DCDC2: variants seen among roughly 807,000 people sequenced by gnomAD.
DCDC2 encodes the protein doublecortin domain containing 2.
DCDC2 carries 40 observed loss-of-function variants against 50.2 expected under a neutral mutation model. The ratio of observed to expected loss-of-function variants is 0.80; its 90% CI spans 0.62 to 1.04. The LOEUF (loss-of-function observed/expected upper bound fraction) is 1.04. Ranked by LOEUF, DCDC2 falls within the 50% of genes least tolerant of loss-of-function variation. DCDC2 has a pLI of 0.00. For synonymous variants in DCDC2, 234 were observed against 210.6 expected, an observed-to-expected ratio of 1.11 and a Z score of -0.96; for missense variants, 570 against 581.9, an observed-to-expected ratio of 0.98 and a Z score of 0.21.
chr6:24,189,758 A>G (rs1462033909), intron 8 of DCDC2, among the ~76,000 whole-genome samples: 2 of 152,226 alleles, frequency 1.3e-5, no homozygotes, highest in Admixed American at 1.3e-4. Flanking sequence ...CTGGAGATCA[A>G]TAAAAATGAA....
intron 8 of DCDC2, among the ~76,000 whole-genome samples, chr6:24,202,358 A>T (rs1253334866): frequency 6.6e-6 from 1 of 152,240 alleles, no homozygotes; most frequent in Non-Finnish European, 1.5e-5. Flanking sequence ...AATCCATCAC[A>T]TAAACAGAAC....
At chr6:24,346,856 CAGACACA>C (rs1191391774) in intron 2 of DCDC2, among the ~76,000 whole-genome samples, 1 of 151,676 alleles carries the variant, frequency 6.6e-6, no homozygotes, top group Non-Finnish European at 1.5e-5. Context: ...AGGTCTTAAA[CAGACACA>C]AACTGTAAGA....
rs139089320 is a variant in DCDC2 at position 24,346,494 on chromosome 6, G to A, written c.348+7075C>T. On this transcript the variant is annotated intron_variant, in intron 2 of 9. Transcript: ENST00000378454. ...ACACAGTCCGGGCGTGGTGGTTCAC[G>A]CCTGTACTCCCAGCACTTTGGGAGG... Among the ~76,000 whole-genome samples, 1,115 of 152,046 alleles carry A rather than the reference G, an allele frequency of 7.3e-3. 13 individuals carry two copies. Among genetic ancestry groups the A allele is most frequent in the African/African-American group, 0.025 (1,027 of 41,462 alleles).
intron 7 of DCDC2, among the ~76,000 whole-genome samples, chr6:24,229,108 C>T (rs879810061): frequency 3.3e-5 from 5 of 152,228 alleles, no homozygotes; most frequent in African/African-American, 7.2e-5. Context: ...TTACCACAGA[C>T]TTGGTGGCTG....
chr6:24,303,272 G>A (rs1245626007), intron 2 of DCDC2, among the ~76,000 whole-genome samples: 1 of 151,828 alleles, frequency 6.6e-6, no homozygotes, highest in African/African-American at 2.4e-5. Context: ...GATAAATCCC[G>A]ACTTTCAAGC....
chr6:24,373,889 G>A, the DCDC2 span, among the ~76,000 whole-genome samples: 9 of 151,762 alleles, frequency 5.9e-5, no homozygotes, highest in South Asian at 2.1e-4. Flanking sequence ...AGGACTGGGC[G>A]CGGTGGCTCA....
intron 8 of DCDC2, among the ~76,000 whole-genome samples, chr6:24,187,991 C>A (rs1761240275): frequency 6.6e-6 from 1 of 152,184 alleles, no homozygotes; most frequent in South Asian, 2.1e-4. Flanking sequence ...ATTCTTTGAC[C>A]ATTGGATTGT....
chr6:24,291,771 C>T (rs1422791453), intron 4 of DCDC2, among the ~76,000 whole-genome samples: 1 of 152,142 alleles, frequency 6.6e-6, no homozygotes, highest in Admixed American at 6.5e-5. Flanking sequence ...AGGCATGAGC[C>T]ACCGCGCCCG....
At chr6:24,187,307 G>A (rs542528621) in intron 8 of DCDC2, among the ~76,000 whole-genome samples, 2 of 152,242 alleles carry the variant, frequency 1.3e-5, no homozygotes, top group East Asian at 1.9e-4. Context: ...AAACTGAAAA[G>A]AGCCCTGGGC....
At chr6:24,279,154 C>T (rs1197532924) in intron 6 of DCDC2, among the ~76,000 whole-genome samples, 1 of 152,222 alleles carries the variant, frequency 6.6e-6, no homozygotes, top group Non-Finnish European at 1.5e-5. Context: ...GCAGCCACTA[C>T]ATTGGGGGCT....
chr6:24,257,232 A>C (rs1219421644), intron 7 of DCDC2, among the ~76,000 whole-genome samples: 4 of 152,214 alleles, frequency 2.6e-5, no homozygotes, highest in Non-Finnish European at 4.4e-5. Context: ...AATAACTGGA[A>C]TGCCTAACCT....
At chr6:24,220,871 A>AGAGACC (rs1762084547) in intron 7 of DCDC2, among the ~76,000 whole-genome samples, 1 of 24,006 alleles carries the variant, frequency 4.2e-5, no homozygotes, top group East Asian at 3.4e-3. Flanking sequence ...ACAGAGAGCA[A>AGAGACC]GAGAGCGAGA....
chr6:24,195,960 A>T (rs548350259), intron 8 of DCDC2, among the ~76,000 whole-genome samples: 1 of 152,226 alleles, frequency 6.6e-6, no homozygotes, highest in Non-Finnish European at 1.5e-5. Context: ...TGGATAAATA[A>T]CTTGGCCAAT....
chr6:24,270,086 A>C (rs576135703), intron 7 of DCDC2, among the ~76,000 whole-genome samples: 2 of 152,282 alleles, frequency 1.3e-5, no homozygotes, highest in African/African-American at 4.8e-5. Context: ...TTATCACTGA[A>C]GGAAGACAGG....
In DCDC2 at chr6:24,291,109, A is replaced by G. The variant is rs747808410; in HGVS notation, c.558-31T>C. 6 of 1,590,858 alleles carry G rather than the reference A, an allele frequency of 3.8e-6. No homozygotes were observed. In the South Asian group the frequency reaches 6.9e-5, roughly 18 times the overall value. ...GAAAATATGAACACCAACAATTAGA[A>G]TTTTAACCAACATTTAAAGAATTGC... is the stretch of plus-strand genomic sequence containing the variant. On this transcript the variant is annotated intron_variant, in intron 4 of 9. Coordinates refer to ENST00000378454, the MANE Select transcript of DCDC2 (RefSeq NM_016356.5).
intron 1 of DCDC2, chr6:24,356,798 G>A (rs538255946): frequency 1.3e-5 from 2 of 152,352 alleles, no homozygotes; most frequent in South Asian, 4.1e-4. Flanking sequence ...CACTCACTAT[G>A]AGTGAGCTCA....
chr6:24,207,345 T>C (rs1761743131), intron 7 of DCDC2, among the ~76,000 whole-genome samples: 1 of 151,410 alleles, frequency 6.6e-6, no homozygotes, highest in African/African-American at 2.4e-5. Context: ...TTATTGTACA[T>C]ATAATTTTTA....
upstream of DCDC2, among the ~76,000 whole-genome samples, chr6:24,362,163 T>C (rs1760674881): frequency 2.0e-5 from 3 of 152,024 alleles, no homozygotes; most frequent in Admixed American, 2.0e-4. Context: ...TTATTATCTT[T>C]GTTTTCAATG....
chr6:24,359,045 A>T (rs1226520936), upstream of DCDC2, among the ~76,000 whole-genome samples: 5 of 35,176 alleles, frequency 1.4e-4, 1 homozygote, highest in Admixed American at 1.7e-3. Flanking sequence ...TATATATATT[A>T]TATATTTTAT....
Sources: gnomAD v4.1 joint callset for allele counts (sites outside exome capture counted in the v4.1 genomes callset) on GRCh38, gnomAD v4.1.1 for gene constraint, MANE v1.5 for transcripts, NCBI Gene and HGNC (gene_info 2026-07-23, HGNC 2026-07-21) for gene names.